The following OR1B1 variants were observed in gnomAD, a reference collection of about 807,000 sequenced individuals.
OR1B1 encodes the protein olfactory receptor family 1 subfamily B member 1, also known as olfactory receptor 1B1.
For synonymous variants in OR1B1, 168 were observed against 156.2 expected (o/e 1.08, Z -0.57); for missense variants, 414 against 402.1 (o/e 1.03, Z -0.25).
chr9:122,634,670 C>T, the OR1B1 span, among the ~76,000 whole-genome samples: 267 of 152,188 alleles, frequency 1.8e-3, 2 homozygotes, highest in African/African-American at 6.1e-3. Context: ...GTGGTGATTA[C>T]AATTGGAGAT....
chr9:122,632,369 A>G (rs998979608), upstream of OR1B1, among the ~76,000 whole-genome samples: 2 of 152,150 alleles, frequency 1.3e-5, no homozygotes, highest in African/African-American at 4.8e-5. Flanking sequence ...GAAATGAAAA[A>G]CTCAATGGAT....
At chr9:122,647,038 C>T in the OR1B1 span, among the ~76,000 whole-genome samples, 1 of 152,124 alleles carries the variant, frequency 6.6e-6, no homozygotes, top group South Asian at 2.1e-4. Flanking sequence ...ACAGATCTCT[C>T]AGACAGAAAA....
chr9:122,651,996 T>G, the OR1B1 span, among the ~76,000 whole-genome samples: 12 of 152,322 alleles, frequency 7.9e-5, 1 homozygote, highest in Admixed American at 7.8e-4. Context: ...AAAAAAGGTC[T>G]TGCTATGTTG....
chr9:122,628,561 T>C (rs1491000030), downstream of OR1B1: 5 of 1,507,748 alleles, frequency 3.3e-6, no homozygotes, highest in Admixed American at 1.7e-5. Flanking sequence ...CTATTCAATA[T>C]GGCCCACAGC....
At chr9:122,637,146 G>A in the OR1B1 span, 1 of 151,924 alleles carries the variant, frequency 6.6e-6, no homozygotes, top group African/African-American at 2.4e-5. Flanking sequence ...AGGGAAAGAG[G>A]GATGCGACTG....
At chr9:122,628,470 T>A (rs544677928), downstream of OR1B1, 3 of 705,462 alleles carry the variant, frequency 4.3e-6, no homozygotes, top group Admixed American at 7.1e-5. Context: ...AATCTGGAGT[T>A]CCTTAAGTTA....
the OR1B1 span, among the ~76,000 whole-genome samples, chr9:122,657,483 T>C: frequency 1.3e-5 from 2 of 152,160 alleles, no homozygotes; most frequent in Non-Finnish European, 2.9e-5. Context: ...TGGCTGGAAG[T>C]AGATCAAGGG....
the OR1B1 span, among the ~76,000 whole-genome samples, chr9:122,650,989 C>T: frequency 1.3e-5 from 2 of 151,424 alleles, no homozygotes; most frequent in African/African-American, 2.4e-5. Flanking sequence ...CGCGCTACTG[C>T]ACTCCAGCCC....
At chr9:122,643,451 G>A in the OR1B1 span, among the ~76,000 whole-genome samples, 1 of 152,214 alleles carries the variant, frequency 6.6e-6, no homozygotes, top group African/African-American at 2.4e-5. Context: ...ACTCATCCCA[G>A]TGGTGAGAAC....
downstream of OR1B1, among the ~76,000 whole-genome samples, chr9:122,628,316 G>GTAAT (rs942814305): frequency 4.6e-5 from 7 of 152,114 alleles, no homozygotes; most frequent in African/African-American, 7.2e-5. Flanking sequence ...CCCAGACTTG[G>GTAAT]TAATTCTTTT....
chr9:122,653,974 T>C, the OR1B1 span, among the ~76,000 whole-genome samples: 2 of 152,160 alleles, frequency 1.3e-5, no homozygotes, highest in African/African-American at 2.4e-5. Flanking sequence ...AAGGCAAATA[T>C]TGAGCATAAG....
chr9:122,641,900 A>T, the OR1B1 span, among the ~76,000 whole-genome samples: 3 of 152,210 alleles, frequency 2.0e-5, no homozygotes, highest in Admixed American at 2.0e-4. Context: ...TTTTTTTAAA[A>T]AAGATCTTTG....
At chr9:122,646,953 G>T in the OR1B1 span, among the ~76,000 whole-genome samples, 1 of 152,086 alleles carries the variant, frequency 6.6e-6, no homozygotes, top group Admixed American at 6.6e-5. Context: ...GTTTTTATTC[G>T]TTTTCTTTTT....
chr9:122,652,806 T>C, the OR1B1 span, among the ~76,000 whole-genome samples: 1 of 152,178 alleles, frequency 6.6e-6, no homozygotes, highest in Non-Finnish European at 1.5e-5. Flanking sequence ...ATATTATCTA[T>C]CTTAAATCCC....
chr9:122,630,739 A>T (rs1442653228), upstream of OR1B1, among the ~76,000 whole-genome samples: 2 of 151,714 alleles, frequency 1.3e-5, no homozygotes, highest in African/African-American at 4.8e-5. Context: ...AGACAGTCTC[A>T]CTCTATCACC....
chr9:122,655,718 G>GA, the OR1B1 span, among the ~76,000 whole-genome samples: 6 of 151,742 alleles, frequency 4.0e-5, no homozygotes, highest in East Asian at 7.8e-4. Flanking sequence ...GAGAGCATTA[G>GA]AAAAAATAGC....
chr9:122,637,582 T>C, the OR1B1 span, among the ~76,000 whole-genome samples: 1 of 152,210 alleles, frequency 6.6e-6, no homozygotes, highest in Non-Finnish European at 1.5e-5. Flanking sequence ...ATTTGGTAAA[T>C]GCAGTCTTCT....
At chr9:122,635,031 T>C in the OR1B1 span, among the ~76,000 whole-genome samples, 1 of 152,288 alleles carries the variant, frequency 6.6e-6, no homozygotes, top group South Asian at 2.1e-4. Context: ...CTCCTGGGTA[T>C]ACACCCGAAG....
At chr9:122,630,449 A>G (rs1830192861), upstream of OR1B1, among the ~76,000 whole-genome samples, 1 of 152,192 alleles carries the variant, frequency 6.6e-6, no homozygotes, top group African/African-American at 2.4e-5. Flanking sequence ...TTAGTCCACT[A>G]TGACTATTTA....
Sources: gnomAD v4.1 joint callset for allele counts (sites outside exome capture counted in the v4.1 genomes callset) on GRCh38, gnomAD v4.1.1 for gene constraint, MANE v1.5 for transcripts, NCBI Gene and HGNC (gene_info 2026-07-23, HGNC 2026-07-21) for gene names.